ULK4: variants seen among roughly 807,000 people sequenced by gnomAD.
ULK4 encodes the protein inactive serine/threonine-protein kinase ULK4.
In ULK4, 133 loss-of-function variants were observed where a neutral mutation model predicts 160.6. The ratio of observed to expected loss-of-function variants is 0.83; its 90% CI spans 0.72 to 0.96. The LOEUF (loss-of-function observed/expected upper bound fraction) is 0.96. Among genes scored for constraint, ULK4 ranks in the 40% least tolerant of loss-of-function variants. ULK4 has a pLI of 0.00. For synonymous variants in ULK4, 534 were observed against 539.8 expected (o/e 0.99, Z 0.15); for missense variants, 1,580 against 1,499.5 (o/e 1.05, Z -0.89).
At chr3:41,717,400 T>G (rs1011115456) in intron 23 of ULK4, among the ~76,000 whole-genome samples, 7 of 152,140 alleles carry the variant, frequency 4.6e-5, no homozygotes, top group Non-Finnish European at 8.8e-5. Context: ...AAAAAAAACT[T>G]ACGAAAAGTT....
At chr3:41,674,812 A>G (rs1344085469) in intron 29 of ULK4, among the ~76,000 whole-genome samples, 1 of 152,182 alleles carries the variant, frequency 6.6e-6, no homozygotes, top group African/African-American at 2.4e-5. Context: ...AAATACAGGT[A>G]CCTTAACGCA....
intron 35 of ULK4, among the ~76,000 whole-genome samples, chr3:41,331,114 G>A (rs2080434205): frequency 2.0e-5 from 3 of 152,162 alleles, no homozygotes; most frequent in African/African-American, 2.4e-5. Flanking sequence ...GCAGCTACCC[G>A]CAAGCCAACT....
chr3:41,289,008 G>C (rs1320359599), intron 35 of ULK4, among the ~76,000 whole-genome samples: 1 of 152,202 alleles, frequency 6.6e-6, no homozygotes, highest in African/African-American at 2.4e-5. Context: ...CACACAGTGG[G>C]TGTGGAAGAG....
Position 41,398,112 on chromosome 3 carries a change from C to T in ULK4, c.3645G>A (p.Glu1215=). ...HLLTSKEDPK[E]QKLLLRILRR... is the part of the protein sequence containing the mutation. The stretch of plus-strand genomic sequence containing the variant: ...TGAGAATCCTTAACAGAAGCTTCTG[C>T]TCCTTTGGGTCCTCCTTGGATGTCA... The change falls in exon 35 of 37, where the codon GAG becomes GAA. Residue 1215 remains glutamate, a synonymous_variant. Coordinates refer to ENST00000301831, the MANE Select transcript of ULK4 (RefSeq NM_017886.4). The T allele has an allele frequency of 1.2e-6, 2 of 1,613,154 alleles. No individual in the cohort carries two copies. The highest frequency in any genetic ancestry group is 1.7e-6 in the Non-Finnish European group (2 of 1,179,522).
At chr3:41,807,901 A>G (rs1251978984) in intron 19 of ULK4, among the ~76,000 whole-genome samples, 3 of 152,178 alleles carry the variant, frequency 2.0e-5, no homozygotes, top group Non-Finnish European at 2.9e-5. Flanking sequence ...ATAAAATGTG[A>G]CATCCATTTG....
intron 1 of ULK4, among the ~76,000 whole-genome samples, chr3:41,961,480 A>C (rs1269568308): frequency 6.8e-6 from 1 of 146,534 alleles, no homozygotes; most frequent in Non-Finnish European, 1.5e-5. Context: ...TAAGCACTCC[A>C]TAGGTGCTCC....
At chr3:41,627,612 TATTTA>T (rs2033578165) in intron 30 of ULK4, among the ~76,000 whole-genome samples, 1 of 152,204 alleles carries the variant, frequency 6.6e-6, no homozygotes, top group Admixed American at 6.5e-5. Context: ...ACTACCTCAG[TATTTA>T]ATTTATGATT....
intron 30 of ULK4, among the ~76,000 whole-genome samples, chr3:41,626,732 T>C: frequency 6.6e-6 from 1 of 151,730 alleles, no homozygotes; most frequent in East Asian, 1.9e-4. Flanking sequence ...TTCACCATGT[T>C]AGCCAGGATG....
At chr3:41,577,576 G>A (rs1012915798) in intron 31 of ULK4, among the ~76,000 whole-genome samples, 25 of 151,672 alleles carry the variant, frequency 1.6e-4, no homozygotes, top group Admixed American at 2.6e-4. Flanking sequence ...CCATTCTTCC[G>A]CGCCCCCATT....
At chr3:41,652,662 C>G (rs2034788171) in intron 30 of ULK4, among the ~76,000 whole-genome samples, 1 of 152,166 alleles carries the variant, frequency 6.6e-6, no homozygotes, top group Admixed American at 6.5e-5. Context: ...AGGTGGGGGT[C>G]AGAATCTCAT....
chr3:41,689,035 C>T (rs1225051430), intron 27 of ULK4, among the ~76,000 whole-genome samples: 14 of 152,166 alleles, frequency 9.2e-5, no homozygotes, highest in Non-Finnish European at 4.4e-5. Flanking sequence ...TAGAGAAAGC[C>T]AAAAATGTTC....
intron 16 of ULK4, among the ~76,000 whole-genome samples, chr3:41,890,121 G>A (rs1347810465): frequency 6.6e-6 from 1 of 152,178 alleles, no homozygotes; most frequent in Non-Finnish European, 1.5e-5. Context: ...GGGTTTCGCT[G>A]GGTGAGAAAA....
At chr3:41,669,259 G>C (rs778313038) in intron 29 of ULK4, among the ~76,000 whole-genome samples, 1 of 152,064 alleles carries the variant, frequency 6.6e-6, no homozygotes, top group South Asian at 2.1e-4. Context: ...TAAGGGTCGG[G>C]GGGAGAGACA....
At chr3:41,590,590 C>A (rs954369341) in intron 31 of ULK4, among the ~76,000 whole-genome samples, 1 of 150,588 alleles carries the variant, frequency 6.6e-6, no homozygotes, top group Admixed American at 6.6e-5. Context: ...GAGCCAAGAT[C>A]ACGCCACTGC....
At chr3:41,793,189 A>AC (rs11389749) in intron 20 of ULK4, among the ~76,000 whole-genome samples, 1 of 26,494 alleles carries the variant, frequency 3.8e-5, no homozygotes, top group Non-Finnish European at 6.1e-5. Flanking sequence ...AAAAACCAAC[A>AC]AAAAAAAAAT....
chr3:41,502,262 A>G (rs183482717), intron 32 of ULK4, among the ~76,000 whole-genome samples: 2 of 152,380 alleles, frequency 1.3e-5, no homozygotes, highest in Admixed American at 1.3e-4. Context: ...TAAATTGTTA[A>G]GGAACCACTA....
At chr3:41,599,364 T>A (rs917197026) in intron 31 of ULK4, among the ~76,000 whole-genome samples, 1 of 152,164 alleles carries the variant, frequency 6.6e-6, no homozygotes, top group Non-Finnish European at 1.5e-5. Flanking sequence ...GGTAACCTGA[T>A]CAACCTTAAT....
At chr3:41,857,140 A>C (rs2042380789) in intron 17 of ULK4, among the ~76,000 whole-genome samples, 1 of 152,056 alleles carries the variant, frequency 6.6e-6, no homozygotes, top group African/African-American at 2.4e-5. Flanking sequence ...GAACAGCATA[A>C]ACTAGGCTGA....
At chr3:41,280,431 A>G (rs2079328421) in intron 35 of ULK4, among the ~76,000 whole-genome samples, 2 of 152,200 alleles carry the variant, frequency 1.3e-5, no homozygotes. Context: ...TGAGCAATGT[A>G]AAAGAACAGA....
Sources: gnomAD v4.1 joint callset for allele counts (sites outside exome capture counted in the v4.1 genomes callset) on GRCh38, gnomAD v4.1.1 for gene constraint, MANE v1.5 for transcripts, NCBI Gene and HGNC (gene_info 2026-07-23, HGNC 2026-07-21) for gene names.